TTC17: variants seen among roughly 807,000 people sequenced by gnomAD.
TTC17 encodes the protein tetratricopeptide repeat protein 17.
Under a neutral mutation model 143.8 loss-of-function variants are expected in TTC17, and 58 were observed. The observed-to-expected ratio is 0.40, with a 90% confidence interval of 0.33 to 0.50. The LOEUF (loss-of-function observed/expected upper bound fraction) is 0.50, where lower values mean the gene tolerates loss of function less well. Ranked by LOEUF, TTC17 falls within the 20% of genes least tolerant of loss-of-function variation. TTC17 has a pLI of 0.49. For synonymous variants in TTC17, 501 were observed against 497.8 expected, an observed-to-expected ratio of 1.01 and a Z score of -0.09; for missense variants, 1,273 against 1,392.5, an observed-to-expected ratio of 0.91 and a Z score of 1.37.
chr11:43,449,983 T>G, intron 19 of TTC17, 99 bp from the exon 20 acceptor site: 1 of 1,337,910 alleles, frequency 7.5e-7, no homozygotes, highest in Non-Finnish European at 1.0e-6. Flanking sequence ...ATGAGCTGAT[T>G]GTTAATGCTG....
At chr11:43,446,220 G>A (rs1385315189) in intron 18 of TTC17, 1 of 1,234,458 alleles carries the variant, frequency 8.1e-7, no homozygotes, top group Non-Finnish European at 1.0e-6. Context: ...AATGCCCTGT[G>A]CCCCCTCTGC....
intron 16 of TTC17, among the ~76,000 whole-genome samples, chr11:43,416,753 A>C (rs902510732): frequency 6.6e-6 from 1 of 152,032 alleles, no homozygotes; most frequent in African/African-American, 2.4e-5. Context: ...GTAATTAATT[A>C]ATTTACTAAA....
In TTC17 at chr11:43,364,262, G is replaced by A. The variant is rs933595189; in HGVS notation, c.159+5149G>A. Among the ~76,000 whole-genome samples the A allele has an allele frequency of 1.1e-4, 16 of 151,888 alleles. No homozygotes were observed. In the East Asian group the frequency reaches 1.4e-3, roughly 13 times the overall value. On this transcript the variant is annotated intron_variant, in intron 1 of 23. Coordinates refer to ENST00000039989, the MANE Select transcript of TTC17 (RefSeq NM_018259.6). Reference sequence around the variant, plus strand: ...AGTAGAGACAGGGTTTCTTCATGTCGGCCAGGCTGGTCTTAAACTCCAGGC... The same window carrying A: ...AGTAGAGACAGGGTTTCTTCATGTCAGCCAGGCTGGTCTTAAACTCCAGGC...
At position 43,388,526 on chromosome 11, in the gene TTC17, C is replaced by CT. The variant is rs558306466; in HGVS notation, c.250-1115dup. On this transcript the variant is annotated intron_variant, in intron 2 of 23. Coordinates refer to ENST00000039989, the MANE Select transcript of TTC17 (RefSeq NM_018259.6). ...GACATTAAAGAATACCTTGAACTCCCTTTTTTTTTTTCTTTTAAAAAAAAA... is the reference window on the plus strand; with the variant it reads ...GACATTAAAGAATACCTTGAACTCCCTTTTTTTTTTTTCTTTTAAAAAAAAA... Among the ~76,000 whole-genome samples, 107 of 144,304 alleles carry CT rather than the reference C, an allele frequency of 7.4e-4. 5 individuals carry two copies. Among genetic ancestry groups the CT allele is most frequent in the East Asian group, 5.4e-3 (27 of 5,028 alleles). 94.7% of individuals were successfully genotyped at this position (144,304 alleles called of 152,430 possible).
At chr11:43,449,997 C>T (rs985208880) in intron 19 of TTC17, 85 bp from the exon 20 acceptor site, 6 of 1,441,834 alleles carry the variant, frequency 4.2e-6, no homozygotes, top group Non-Finnish European at 5.7e-6. Flanking sequence ...AATGCTGTCT[C>T]TCCTTGATTG....
chr11:43,475,678 T>G (rs1948171832), intron 21 of TTC17, among the ~76,000 whole-genome samples: 1 of 152,166 alleles, frequency 6.6e-6, no homozygotes, highest in Admixed American at 6.5e-5. Context: ...TGCTTGAGCA[T>G]TCCAAATCTG....
rs369351818 is a variant in TTC17 at position 43,448,042 on chromosome 11, G to A, written c.2706G>A (p.Pro902=). The A allele has an allele frequency of 1.9e-4, 300 of 1,614,068 alleles. No homozygotes were observed. The highest frequency in any genetic ancestry group is 4.0e-4 in the African/African-American group (30 of 75,030). The change falls in exon 19 of 24, where the codon CCG becomes CCA. Residue 902 remains proline (P), a synonymous_variant. Transcript: ENST00000039989. ...RDYQRLGWPS[P]DECLKLRWVE... ...ACCAGCGTCTGGGATGGCCCAGCCC[G>A]GACGAATGCCTCAAACTCCGCTGGG...
intron 9 of TTC17, among the ~76,000 whole-genome samples, chr11:43,400,478 C>G (rs918336384): frequency 6.6e-6 from 1 of 152,132 alleles, no homozygotes; most frequent in African/African-American, 2.4e-5. Flanking sequence ...AAACTCTGCA[C>G]TATGGGTAAC....
intron 1 of TTC17, among the ~76,000 whole-genome samples, chr11:43,371,176 C>T (rs1856556104): frequency 6.6e-6 from 1 of 152,144 alleles, no homozygotes; most frequent in Non-Finnish European, 1.5e-5. Flanking sequence ...TGTTCTCTTA[C>T]AACATGTTTC....
At chr11:43,383,390 C>T (rs1231916573) in intron 2 of TTC17, among the ~76,000 whole-genome samples, 2 of 152,096 alleles carry the variant, frequency 1.3e-5, no homozygotes, top group Non-Finnish European at 2.9e-5. Flanking sequence ...TTGCTCTTGT[C>T]CCCCAGGCTG....
At chr11:43,420,486 C>T (rs989284960) in intron 16 of TTC17, among the ~76,000 whole-genome samples, 1 of 152,182 alleles carries the variant, frequency 6.6e-6, no homozygotes, top group African/African-American at 2.4e-5. Flanking sequence ...CTCAGTTTAA[C>T]ATGTCACCCT....
rs111755108 is a variant in TTC17, at chr11:43,461,011, A to C, written c.3030+9746A>C. Among the ~76,000 whole-genome samples the C allele has an allele frequency of 9.3e-3, 1,412 of 152,312 alleles. 26 individuals are homozygous for C. Among genetic ancestry groups the C allele is most frequent in the African/African-American group, 0.032 (1,341 of 41,564 alleles). On this transcript the variant is annotated intron_variant, in intron 21 of 23. Transcript: ENST00000039989. ...CTCTACCTGATGGTAGTGACAAAGA[A>C]TATGTGTCCCATCGTTAATTCACCA...
chr11:43,370,800 G>A (rs1034221504), intron 1 of TTC17, among the ~76,000 whole-genome samples: 1 of 137,446 alleles, frequency 7.3e-6, no homozygotes, highest in Non-Finnish European at 1.6e-5. Context: ...GGGCAGGTTT[G>A]TTTGTTTGTT....
At position 43,391,609 on chromosome 11, in the gene TTC17, TGC is replaced by T. The variant is rs749607264; in HGVS notation, c.531+35_531+36del. ...GAGAACTTTAGGATTTTTTTTTTTT[TGC>T]GTTGCGTTCTTCTTTCAGTTGGTCT... On this transcript the variant is annotated intron_variant, in intron 4 of 23. Transcript: ENST00000039989. 2.5e-3 allele frequency: 678 copies of T among 268,604 alleles called. 2 individuals carry two copies. Among genetic ancestry groups the T allele is most frequent in the Admixed American group, 3.2e-3 (17 of 5,254 alleles). 16.6% of individuals were successfully genotyped at this position (268,604 alleles called of 1,614,324 possible).
Position 43,407,379 on chromosome 11 carries a change from C to G in TTC17, c.1866C>G (p.Leu622=). 1 of 1,613,800 alleles carries G rather than the reference C, an allele frequency of 6.2e-7. No individual in the cohort carries two copies. The highest frequency in any genetic ancestry group is 8.5e-7 in the Non-Finnish European group (1 of 1,179,946). ...NKPNAPIWLI[L]NEAGLYWRAV... ...CAAATGCTCCTATCTGGCTCATACTCAATGAAGCTGGACTATACTGGAGAG... is the reference window on the plus strand; with the variant it reads ...CAAATGCTCCTATCTGGCTCATACTGAATGAAGCTGGACTATACTGGAGAG... Residue 622 remains leucine, a synonymous_variant, in exon 15 of 24, where the codon CTC becomes CTG. Transcript: ENST00000039989.
chr11:43,371,884 A>C (rs1035180005), intron 1 of TTC17, among the ~76,000 whole-genome samples: 1 of 152,194 alleles, frequency 6.6e-6, no homozygotes, highest in Non-Finnish European at 1.5e-5. Context: ...CACATACACA[A>C]AAGAAATACA....
At chr11:43,376,988 A>G (rs1237948119) in intron 1 of TTC17, among the ~76,000 whole-genome samples, 2 of 152,152 alleles carry the variant, frequency 1.3e-5, no homozygotes, top group Admixed American at 1.3e-4. Flanking sequence ...AAACATAGAA[A>G]AGGCACAGTA....
rs927711705 is a variant in TTC17, at chr11:43,381,711, T to C, written c.249+2389T>C. 2.6e-5 allele frequency among the ~76,000 whole-genome samples: 4 copies of C among 152,324 alleles called. No individual in the cohort carries two copies. The East Asian group carries it at 7.7e-4, about 29-fold the overall frequency. On this transcript the variant is annotated intron_variant, in intron 2 of 23. Transcript: ENST00000039989. The stretch of plus-strand genomic sequence containing the variant: ...AAACCAAAATTGGAAGGTCTGATTC[T>C]GAGCTTGGTAACTGGATAGAACCTG...
At chr11:43,393,555 G>A (rs372194943) in intron 5 of TTC17, among the ~76,000 whole-genome samples, 15 of 152,094 alleles carry the variant, frequency 9.9e-5, no homozygotes, top group African/African-American at 3.1e-4. Flanking sequence ...AAGCATTATT[G>A]ACTAAAGTAT....
Sources: allele counts gnomAD v4.1 joint callset (sites outside exome capture counted in the v4.1 genomes callset), GRCh38; gene constraint gnomAD v4.1.1; transcripts MANE v1.5; gene names NCBI Gene and HGNC (gene_info 2026-07-23, HGNC 2026-07-21).